ZNF493: variants seen among roughly 807,000 people sequenced by gnomAD.
ZNF493 encodes the protein zinc finger protein 493.
A neutral mutation model predicts 12.2 loss-of-function variants in ZNF493; 11 were observed. That is an observed-to-expected ratio of 0.90 (90% CI 0.57 to 1.50). ZNF493 has a LOEUF of 1.50. Ranked by LOEUF, ZNF493 falls within the 40% of genes most tolerant of loss-of-function variation. The pLI is 0.00. For missense variants in ZNF493, 950 were observed against 906.6 expected, an observed-to-expected ratio of 1.05 and a Z score of -0.61; for synonymous variants, 286 against 302.6, an observed-to-expected ratio of 0.95 and a Z score of 0.57.
rs373155412 is a variant in ZNF493, at chr19:21,424,337, C to T, written c.1678C>T (p.Leu560Phe). The T allele has an allele frequency of 2.9e-5, 47 of 1,613,356 alleles. No individual in the cohort carries two copies. The highest frequency in any genetic ancestry group is 3.6e-5 in the Non-Finnish European group (43 of 1,179,736). The stretch of plus-strand genomic sequence containing the variant: ...CAAAGCTTTTAATCGGTCCTCACAC[C>T]TTACTACACATAAGAGAATTCATAC... ...CGKAFNRSSH[L>F]TTHKRIHTGH... Residue 560 changes from leucine to phenylalanine, a missense_variant, in exon 4 of 4, where the codon CTT becomes TTT. Physicochemically the swap from Leu to Phe is conservative, Grantham distance 22. Transcript: ENST00000392288.
chr19:21,411,788 G>A (rs149803171), intron 3 of ZNF493, among the ~76,000 whole-genome samples: 1,996 of 148,990 alleles, frequency 0.013, 52 homozygotes, highest in African/African-American at 0.046. Context: ...TTTTGAGATG[G>A]AGTTTTGCTC....
At chr19:21,401,848 T>TC (rs1568376627) in intron 1 of ZNF493, among the ~76,000 whole-genome samples, 2 of 152,048 alleles carry the variant, frequency 1.3e-5, no homozygotes, top group African/African-American at 4.8e-5. Context: ...TGTTCGCTGT[T>TC]CTTGAACTTC....
intron 3 of ZNF493, 51 bp downstream of exon 3, chr19:21,405,907 TAAAAAAAAA>T (rs386388731): frequency 4.4e-5 from 8 of 180,446 alleles, no homozygotes; most frequent in South Asian, 7.9e-5. Flanking sequence ...TTGAAAGATT[TAAAAAAAAA>T]AAAAAAAAAA....
chr19:21,414,679 A>G (rs182285162), intron 3 of ZNF493: 2 of 152,236 alleles, frequency 1.3e-5, no homozygotes, highest in African/African-American at 4.8e-5. Context: ...ATTAATAGGC[A>G]TATCAAAAGC....
chr19:21,414,444 T>G (rs962117527), intron 3 of ZNF493: 25 of 152,248 alleles, frequency 1.6e-4, no homozygotes, highest in African/African-American at 5.5e-4. Flanking sequence ...AGATATTGCG[T>G]TAGCAACTAG....
At chr19:21,406,890 A>T (rs546631222) in intron 3 of ZNF493, among the ~76,000 whole-genome samples, 4 of 152,216 alleles carry the variant, frequency 2.6e-5, no homozygotes, top group Admixed American at 2.0e-4. Context: ...AGAATATGGT[A>T]CTTTAACAGT....
intron 1 of ZNF493, 35 bp downstream of exon 1, chr19:21,397,302 G>A: frequency 6.2e-7 from 1 of 1,614,042 alleles, no homozygotes; most frequent in Non-Finnish European, 8.5e-7. Context: ...CGAGAGAGGG[G>A]AAGGAGTTGC....
At chr19:21,415,882 T>C (rs190120057) in intron 3 of ZNF493, among the ~76,000 whole-genome samples, 34 of 152,344 alleles carry the variant, frequency 2.2e-4, no homozygotes, top group African/African-American at 7.2e-4. Context: ...TTTGGAATTA[T>C]AGCAGGAGAA....
chr19:21,426,822 G>A lies in ZNF493; in HGVS notation c.*1838G>A, dbSNP rs916540722. On this transcript the variant is annotated 3_prime_UTR_variant, in exon 4 of 4. Coordinates refer to ENST00000392288, the MANE Select transcript of ZNF493 (RefSeq NM_001076678.3). ...GAAATATATGAGGAAGCGACACTTC[G>A]AATATTCTACTAAATGAGAGTTCTG... 4 of 166,904 alleles carry A rather than the reference G, an allele frequency of 2.4e-5. No individual in the cohort carries two copies. Among genetic ancestry groups the A allele is most frequent in the Non-Finnish European group, 4.4e-5 (3 of 68,068 alleles). The allele number at this position is 166,904 out of a possible 1,614,324, so 10.3% of individuals were successfully genotyped here.
rs1399434359 is a variant in ZNF493 at position 21,418,629 on chromosome 19, G to A, written c.254-4284G>A. Among the ~76,000 whole-genome samples, 4 of 152,188 alleles carry A rather than the reference G, an allele frequency of 2.6e-5. No individual in the cohort carries two copies. The East Asian group carries it at 5.8e-4, about 22-fold the overall frequency. ...TATAGAGGTGTGAAGTGGGAAATCA[G>A]GGGCCTCAGCCTTCAGAGCTGAGAT... On this transcript the variant is annotated intron_variant, in intron 3 of 3. Coordinates refer to ENST00000392288, the MANE Select transcript of ZNF493 (RefSeq NM_001076678.3).
intron 1 of ZNF493, 113 bp downstream of exon 1, chr19:21,397,380 CCT>C (rs768791421): frequency 7.8e-7 from 1 of 1,284,964 alleles, no homozygotes; most frequent in African/African-American, 1.5e-5. Context: ...CAATCTGCTC[CCT>C]GAGTTCTCCT....
chr19:21,415,180 G>GA (rs570914792), intron 3 of ZNF493, among the ~76,000 whole-genome samples: 240 of 152,228 alleles, frequency 1.6e-3, no homozygotes, highest in Non-Finnish European at 2.6e-3. Flanking sequence ...ATGCTGAGTT[G>GA]AAAAAATTAG....
In ZNF493 at chr19:21,426,756, T is replaced by G. The variant is rs1263641574; in HGVS notation, c.*1772T>G. On this transcript the variant is annotated 3_prime_UTR_variant, in exon 4 of 4. Transcript: ENST00000392288. ...AGGTGTAGTAAAAATAAAAAAAATT[T>G]TAATCCAAATTTGTCTATGTAAATA... The G allele has an allele frequency of 6.0e-6, 1 of 166,966 alleles. No individual in the cohort carries two copies. The highest frequency in any genetic ancestry group is 1.5e-5 in the Non-Finnish European group (1 of 68,082). The allele number at this position is 166,966 out of a possible 1,614,324, so 10.3% of individuals were successfully genotyped here. A position where few individuals can be genotyped will look rare whatever the true frequency, so the allele number is the denominator to read the frequency against.
rs758343176 is a variant in ZNF493, at chr19:21,424,268, A to G, written c.1609A>G (p.Met537Val). Residue 537 changes from methionine to valine, a missense_variant, in exon 4 of 4, where the codon ATG (methionine) becomes GTG (valine). Transcript: ENST00000392288. The stretch of plus-strand genomic sequence containing the variant: ...ATCTTCAACCCTTACTATACATAAA[A>G]TGATTCACACTGGAGAAAAACCCTA... ...KRSSTLTIHK[M>V]IHTGEKPYKC... 17 of 1,612,396 alleles carry G rather than the reference A, an allele frequency of 1.1e-5. No homozygotes were observed. In the South Asian group the frequency reaches 1.6e-4, roughly 16 times the overall value.
rs910805229 is a variant in ZNF493, at chr19:21,408,922, G to T, written c.253+3066G>T. The T allele has an allele frequency of 1.1e-4, 72 of 676,200 alleles. No homozygotes were observed. The African/African-American group carries it at 1.4e-3, about 13-fold the overall frequency. 41.9% of individuals were successfully genotyped at this position (676,200 alleles called of 1,614,324 possible). A position where few individuals can be genotyped will look rare whatever the true frequency, so the allele number is the denominator to read the frequency against. Reference sequence around the variant, plus strand: ...TTTTAAGGTGGAGTCTCGCTCTGTCGCCCAGGCTGGAGTGTGCAGTGGAAC... The same window carrying T: ...TTTTAAGGTGGAGTCTCGCTCTGTCTCCCAGGCTGGAGTGTGCAGTGGAAC... On this transcript the variant is annotated intron_variant, in intron 3 of 3. Coordinates refer to ENST00000392288, the MANE Select transcript of ZNF493 (RefSeq NM_001076678.3).
intron 3 of ZNF493, chr19:21,413,377 G>T: frequency 2.5e-6 from 1 of 406,348 alleles, no homozygotes; most frequent in Non-Finnish European, 4.3e-6. Context: ...GTCAGCCCTT[G>T]TTGAAGGAAT....
chr19:21,420,476 G>A lies in ZNF493; in HGVS notation c.254-2437G>A, dbSNP rs368742314. Among the ~76,000 whole-genome samples, 8 of 148,044 alleles carry A rather than the reference G, an allele frequency of 5.4e-5. No homozygotes were observed. In the South Asian group the frequency reaches 8.5e-4, roughly 16 times the overall value. Reference sequence around the variant, plus strand: ...TACATTGGAAGCAACTGCCTTCAGCGCCTTTTATATATAAGGCAGTGCCAA... The same window carrying A: ...TACATTGGAAGCAACTGCCTTCAGCACCTTTTATATATAAGGCAGTGCCAA... On this transcript the variant is annotated intron_variant, in intron 3 of 3. Coordinates refer to ENST00000392288, the MANE Select transcript of ZNF493 (RefSeq NM_001076678.3).
chr19:21,415,675 G>T (rs915626092), intron 3 of ZNF493, among the ~76,000 whole-genome samples: 3 of 152,116 alleles, frequency 2.0e-5, no homozygotes, highest in Admixed American at 2.0e-4. Flanking sequence ...TCAATTACTT[G>T]CCCTACATAT....
At chr19:21,420,500 A>G (rs2030623932) in intron 3 of ZNF493, among the ~76,000 whole-genome samples, 1 of 142,884 alleles carries the variant, frequency 7.0e-6, no homozygotes, top group African/African-American at 2.6e-5. Context: ...AGGCAGTGCC[A>G]ATATACTTCT....
Sources: allele counts gnomAD v4.1 joint callset (sites outside exome capture counted in the v4.1 genomes callset), GRCh38; gene constraint gnomAD v4.1.1; transcripts MANE v1.5; gene names NCBI Gene and HGNC (gene_info 2026-07-23, HGNC 2026-07-21).